The following DMD variants were observed in gnomAD, a reference collection of about 807,000 sequenced individuals.
The protein encoded by DMD is dystrophin.
A neutral mutation model predicts 330.1 loss-of-function variants in DMD; 63 were observed. The observed-to-expected ratio is 0.19, with a 90% confidence interval of 0.16 to 0.24. The LOEUF is 0.24. DMD is among the 10% of genes least tolerant of loss of function. The pLI, the probability that DMD is intolerant of heterozygous loss-of-function variation, is 1.00. For synonymous variants in DMD, 1,223 were observed against 959.8 expected (o/e 1.27, Z -5.07); for missense variants, 3,344 against 2,684.1 (o/e 1.25, Z -5.43).
At position 32,909,118 on chromosome X, in the gene DMD, T is replaced by TA. The variant is rs2086976574; in HGVS notation, c.94-59299dup. Among the ~76,000 whole-genome samples the TA allele has an allele frequency of 4.8e-5, 4 of 83,050 alleles. 1 individual carries two copies. Among genetic ancestry groups the TA allele is most frequent in the African/African-American group, 2.0e-4 (4 of 20,278 alleles). The allele number at this position is 83,050 out of a possible 115,157, so 72.1% of individuals were successfully genotyped here. On this transcript the variant is annotated intron_variant, in intron 2 of 78. Coordinates refer to ENST00000357033, the MANE Select transcript of DMD (RefSeq NM_004006.3). The stretch of plus-strand genomic sequence containing the variant: ...TTCCAAATAGGATATTGGCCCTTTC[T>TA]AAAAAGGATTATGTAGTCTTGTCTA...
At chrX:31,227,216 G>A (rs766281722) in intron 63 of DMD, among the ~76,000 whole-genome samples, 25 of 110,817 alleles carry the variant, frequency 2.3e-4, no homozygotes, top group Non-Finnish European at 4.3e-4. Flanking sequence ...GAGGTCACAA[G>A]CTCCATCCAA....
chrX:31,728,026 T>C, intron 52 of DMD, among the ~76,000 whole-genome samples: 1 of 112,584 alleles, frequency 8.9e-6, no homozygotes, highest in Admixed American at 9.3e-5. Context: ...AGCTCTGTTC[T>C]TTGCTTGTTT....
chrX:32,565,638 T>A, intron 16 of DMD, 64 bp downstream of exon 16: 1 of 1,090,555 alleles, frequency 9.2e-7, no homozygotes, highest in South Asian at 1.9e-5. Flanking sequence ...ATAATGTCAC[T>A]CTCTTAATGC....
chrX:33,263,858 C>T (rs978342455), intron 1 of DMD, among the ~76,000 whole-genome samples: 1 of 110,901 alleles, frequency 9.0e-6, no homozygotes, highest in African/African-American at 3.3e-5. Flanking sequence ...GGGAAACTGA[C>T]TCATAAAGTA....
chrX:32,851,721 C>CAT (rs1409560205), intron 2 of DMD, among the ~76,000 whole-genome samples: 5 of 112,433 alleles, frequency 4.4e-5, no homozygotes, highest in Non-Finnish European at 9.4e-5. Flanking sequence ...GGCCATGTCT[C>CAT]ATGTAGACGA....
intron 19 of DMD, among the ~76,000 whole-genome samples, chrX:32,493,388 T>G (rs1385420729): frequency 9.0e-6 from 1 of 111,680 alleles, no homozygotes; most frequent in Non-Finnish European, 1.9e-5. Context: ...ATATTTTTAA[T>G]GAGATACAAT....
At chrX:32,413,025 G>A (rs911098808) in intron 29 of DMD, among the ~76,000 whole-genome samples, 10 of 110,976 alleles carry the variant, frequency 9.0e-5, no homozygotes, top group Non-Finnish European at 1.9e-4. Flanking sequence ...GCTGCAGGAA[G>A]AGGGAAGGCT....
chrX:33,230,093 T>G (rs2052363262), intron 1 of DMD, among the ~76,000 whole-genome samples: 1 of 111,025 alleles, frequency 9.0e-6, no homozygotes, highest in Non-Finnish European at 1.9e-5. Flanking sequence ...AAGCAGATTT[T>G]AAAAACCTAA....
chrX:32,894,466 G>A (rs910265739), intron 2 of DMD, among the ~76,000 whole-genome samples: 1 of 112,582 alleles, frequency 8.9e-6, no homozygotes, highest in Admixed American at 9.4e-5. Context: ...TGGGATGAGC[G>A]GGCAAACCAA....
intron 52 of DMD, among the ~76,000 whole-genome samples, chrX:31,699,309 A>G (rs1450432982): frequency 8.9e-6 from 1 of 112,526 alleles, no homozygotes; most frequent in Non-Finnish European, 1.9e-5. Flanking sequence ...TGCCTCTGTC[A>G]GAGCTGAAAG....
intron 48 of DMD, among the ~76,000 whole-genome samples, chrX:31,850,908 G>A (rs112018419): frequency 0.085 from 9,454 of 111,873 alleles, 336 homozygotes; most frequent in East Asian, 0.21. Flanking sequence ...TGCCCTGGTC[G>A]CATATATTGA....
At position 31,308,522 on chromosome X, in the gene DMD, TA is replaced by T. The variant is rs2055222290; in HGVS notation, c.9224+15075del. On this transcript the variant is annotated intron_variant, in intron 62 of 78. Transcript: ENST00000357033. ...AACACCAGTGGGGCTATCTAGAATT[TA>T]AAAAAATAACATGGAACTTCTTTAT... 3.6e-5 allele frequency among the ~76,000 whole-genome samples: 4 copies of T among 111,593 alleles called. No individual in the cohort carries two copies. The South Asian group carries it at 1.5e-3, about 42-fold the overall frequency.
chrX:33,301,157 T>C (rs1390893392), intron 1 of DMD, among the ~76,000 whole-genome samples: 2 of 111,355 alleles, frequency 1.8e-5, no homozygotes, highest in Non-Finnish European at 3.8e-5. Flanking sequence ...AGGCCAGGCA[T>C]TGTCTGATTT....
intron 43 of DMD, among the ~76,000 whole-genome samples, chrX:32,237,940 A>T (rs1366182648): frequency 8.9e-6 from 1 of 112,047 alleles, no homozygotes; most frequent in Non-Finnish European, 1.9e-5. Flanking sequence ...AACAAGGCGA[A>T]TCATGCCTAA....
intron 45 of DMD, among the ~76,000 whole-genome samples, chrX:31,937,449 T>TA (rs1396277899): frequency 9.0e-6 from 1 of 111,720 alleles, no homozygotes; most frequent in Non-Finnish European, 1.9e-5. Flanking sequence ...TTTAATTTTT[T>TA]AAAAAAACAG....
intron 51 of DMD, among the ~76,000 whole-genome samples, chrX:31,772,911 G>C (rs1443747392): frequency 2.7e-5 from 3 of 111,831 alleles, no homozygotes; most frequent in Admixed American, 1.9e-4. Context: ...CTCAGAATAG[G>C]AAACGAAGAT....
rs918543576 is a variant in DMD, at chrX:32,595,378, G to A, written c.1602+379C>T. On this transcript the variant is annotated intron_variant, in intron 13 of 78. Transcript: ENST00000357033. Reference sequence around the variant, plus strand: ...TTATATTGAAAAGCTATTCACACTGGGTCAGCTAATGATGAAATGGGTGCT... The same window carrying A: ...TTATATTGAAAAGCTATTCACACTGAGTCAGCTAATGATGAAATGGGTGCT... Among the ~76,000 whole-genome samples, 3 of 111,561 alleles carry A rather than the reference G, an allele frequency of 2.7e-5. No individual in the cohort carries two copies. The South Asian group carries it at 1.1e-3, about 42-fold the overall frequency.
At chrX:32,792,882 C>A (rs2075922841) in intron 7 of DMD, among the ~76,000 whole-genome samples, 2 of 112,168 alleles carry the variant, frequency 1.8e-5, no homozygotes, top group South Asian at 7.3e-4. Context: ...CAACACCCCA[C>A]TCTCAGCATT....
intron 52 of DMD, among the ~76,000 whole-genome samples, chrX:31,725,362 C>T (rs1012797904): frequency 1.8e-5 from 2 of 111,536 alleles, no homozygotes; most frequent in Admixed American, 9.6e-5. Context: ...CTTCTCCTGT[C>T]GGTCTTTTAA....
Sources: gnomAD v4.1 joint callset for allele counts (sites outside exome capture counted in the v4.1 genomes callset) on GRCh38, gnomAD v4.1.1 for gene constraint, MANE v1.5 for transcripts, NCBI Gene and HGNC (gene_info 2026-07-23, HGNC 2026-07-21) for gene names.